Variants in SHC4 observed in about 807,000 individuals in gnomAD.
The protein encoded by SHC4 is SHC adaptor protein 4.
A neutral mutation model predicts 69.4 loss-of-function variants in SHC4; 41 were observed. The observed-to-expected ratio is 0.59, with a 90% confidence interval of 0.46 to 0.77. The LOEUF (loss-of-function observed/expected upper bound fraction) is 0.77. Ranked by LOEUF, SHC4 falls within the 30% of genes least tolerant of loss-of-function variation. SHC4 has a pLI of 0.00. For missense variants in SHC4, 777 were observed against 783.8 expected (o/e 0.99, Z 0.10); for synonymous variants, 318 against 299.3 (o/e 1.06, Z -0.64).
rs556603521 is a variant in SHC4 at position 48,824,686 on chromosome 15, A to G, written c.*1285T>C. 11 of 152,338 alleles carry G rather than the reference A, an allele frequency of 7.2e-5. No homozygotes were observed. In the South Asian group the frequency reaches 1.7e-3, roughly 23 times the overall value. The allele number at this position is 152,338 out of a possible 1,614,324, so 9.4% of individuals were successfully genotyped here. A position where few individuals can be genotyped will look rare whatever the true frequency, so the allele number is the denominator to read the frequency against. On this transcript the variant is annotated 3_prime_UTR_variant, in exon 12 of 12. Coordinates refer to ENST00000332408, the MANE Select transcript of SHC4 (RefSeq NM_203349.4). ...ATCAATAACGACCTCTAACAAATGA[A>G]AAACTTGCTTTTTAGAGACTCATAC...
chr15:48,842,664 G>A (rs1899014024), intron 10 of SHC4, among the ~76,000 whole-genome samples: 1 of 152,276 alleles, frequency 6.6e-6, no homozygotes, highest in South Asian at 2.1e-4. Flanking sequence ...CGGGCATGGT[G>A]GTGCCTGTAA....
At chr15:48,919,603 A>G (rs1441335532) in intron 2 of SHC4, among the ~76,000 whole-genome samples, 1 of 151,588 alleles carries the variant, frequency 6.6e-6, no homozygotes, top group Non-Finnish European at 1.5e-5. Flanking sequence ...TCACATTTTT[A>G]TCAAACTCCC....
Position 48,825,765 on chromosome 15 carries a change from C to T in SHC4, c.*206G>A, listed in dbSNP as rs908250789. On this transcript the variant is annotated 3_prime_UTR_variant, in exon 12 of 12. Transcript: ENST00000332408. ...TATAATTTCTTTTAAAATGACCAAC[C>T]CTCTTCCTCTTTTCTGATTTTCATT... 3 of 557,394 alleles carry T rather than the reference C, an allele frequency of 5.4e-6. No individual in the cohort carries two copies. Among genetic ancestry groups the T allele is most frequent in the Non-Finnish European group, 9.0e-6 (3 of 333,868 alleles). The allele number at this position is 557,394 out of a possible 1,614,324, so 34.5% of individuals were successfully genotyped here.
At chr15:48,881,369 AC>A (rs1333722785) in intron 4 of SHC4, among the ~76,000 whole-genome samples, 4 of 145,116 alleles carry the variant, frequency 2.8e-5, no homozygotes, top group African/African-American at 5.1e-5. Flanking sequence ...AAACAAAAAA[AC>A]AAAGCAAAAA....
intron 1 of SHC4, among the ~76,000 whole-genome samples, chr15:48,937,581 CACAT>C (rs931897018): frequency 7.8e-6 from 1 of 127,696 alleles, no homozygotes; most frequent in Non-Finnish European, 1.7e-5. Flanking sequence ...ATCACACAGA[CACAT>C]AGATAGATAG....
intron 1 of SHC4, among the ~76,000 whole-genome samples, chr15:48,948,484 C>G (rs779505112): frequency 6.6e-6 from 1 of 152,198 alleles, no homozygotes; most frequent in Admixed American, 6.5e-5. Flanking sequence ...TCCACACTTT[C>G]GGCTGTGAGT....
chr15:48,847,805 C>A (rs1187262889), intron 9 of SHC4, among the ~76,000 whole-genome samples: 1 of 151,890 alleles, frequency 6.6e-6, no homozygotes, highest in Non-Finnish European at 1.5e-5. Flanking sequence ...GAGTTCGAGA[C>A]CAACCTGACC....
chr15:48,833,911 G>A (rs1052120122), intron 11 of SHC4, among the ~76,000 whole-genome samples: 2 of 152,184 alleles, frequency 1.3e-5, no homozygotes, highest in Admixed American at 1.3e-4. Context: ...CTTTTGAAGT[G>A]AATTCTGTGG....
intron 10 of SHC4, among the ~76,000 whole-genome samples, chr15:48,843,056 C>T (rs1440216366): frequency 6.6e-6 from 1 of 152,150 alleles, no homozygotes; most frequent in African/African-American, 2.4e-5. Context: ...AGATTAGTCT[C>T]ATCTCATACA....
At chr15:48,870,600 C>G (rs752917204) in intron 5 of SHC4, among the ~76,000 whole-genome samples, 42 of 151,974 alleles carry the variant, frequency 2.8e-4, no homozygotes, top group Middle Eastern at 3.4e-3. Flanking sequence ...GTAAAGGCTG[C>G]TTTTCTTCCA....
intron 11 of SHC4, among the ~76,000 whole-genome samples, chr15:48,832,650 C>G (rs1427651192): frequency 6.6e-6 from 1 of 152,072 alleles, no homozygotes; most frequent in Non-Finnish European, 1.5e-5. Context: ...CTCCTTCACT[C>G]TCTTGTTTTT....
chr15:48,950,242 A>C (rs942574228), intron 1 of SHC4, among the ~76,000 whole-genome samples: 2 of 146,494 alleles, frequency 1.4e-5, no homozygotes, highest in Non-Finnish European at 3.0e-5. Context: ...ATATATTATT[A>C]AATTTCATAT....
rs537227236 is a variant in SHC4, at chr15:48,955,026, C to G, written c.585+7405G>C. 3.9e-5 allele frequency among the ~76,000 whole-genome samples: 6 copies of G among 152,272 alleles called. No individual in the cohort carries two copies. The South Asian group carries it at 8.3e-4, about 21-fold the overall frequency. ...AGCCTGTACTAATCCTAGAGTTCTACCACCCTTAAAAACTCTTTGCAACAT... is the reference window on the plus strand; with the variant it reads ...AGCCTGTACTAATCCTAGAGTTCTAGCACCCTTAAAAACTCTTTGCAACAT... On this transcript the variant is annotated intron_variant, in intron 1 of 11. Transcript: ENST00000332408.
chr15:48,920,239 T>C (rs1024612754), intron 2 of SHC4, among the ~76,000 whole-genome samples: 1 of 151,752 alleles, frequency 6.6e-6, no homozygotes, highest in South Asian at 2.1e-4. Context: ...GCCAGGATGG[T>C]CTCGATCTCC....
chr15:48,856,142 A>G lies in SHC4; in HGVS notation c.1071-18T>C, dbSNP rs1652792507. The G allele has an allele frequency of 6.2e-7, 1 of 1,604,774 alleles. No homozygotes were observed. The highest frequency in any genetic ancestry group is 1.7e-5 in the Admixed American group (1 of 58,904). On this transcript the variant is annotated intron_variant, in intron 7 of 11. Coordinates refer to ENST00000332408, the MANE Select transcript of SHC4 (RefSeq NM_203349.4). ...CCTCCTCACTGTGAAGGAAAAAAGA[A>G]TCCTCAAGAGGCTGGGCGAAAATTC...
At chr15:48,830,711 A>T (rs756615836) in intron 11 of SHC4, among the ~76,000 whole-genome samples, 2 of 152,334 alleles carry the variant, frequency 1.3e-5, no homozygotes, top group East Asian at 1.9e-4. Flanking sequence ...CCCAACACCA[A>T]AAGGTTTTCA....
chr15:48,938,418 C>T (rs775798027), intron 1 of SHC4: 1 of 152,140 alleles, frequency 6.6e-6, no homozygotes, highest in Non-Finnish European at 1.5e-5. Context: ...CCTCTGAACA[C>T]TTTATCCTCT....
chr15:48,865,937 G>A (rs527412839), intron 6 of SHC4, among the ~76,000 whole-genome samples: 1 of 152,292 alleles, frequency 6.6e-6, no homozygotes, highest in East Asian at 1.9e-4. Flanking sequence ...GAGCTTTGCA[G>A]GCATGTGGAT....
At chr15:48,858,709 T>C (rs1346509762) in intron 6 of SHC4, among the ~76,000 whole-genome samples, 2 of 152,190 alleles carry the variant, frequency 1.3e-5, no homozygotes, top group African/African-American at 4.8e-5. Flanking sequence ...TGATGGAAGT[T>C]TCCTAATGGT....
Sources: gnomAD v4.1 joint callset for allele counts (sites outside exome capture counted in the v4.1 genomes callset) on GRCh38, gnomAD v4.1.1 for gene constraint, MANE v1.5 for transcripts, NCBI Gene and HGNC (gene_info 2026-07-23, HGNC 2026-07-21) for gene names.